The following ARHGAP19 variants were observed in gnomAD, a reference collection of about 807,000 sequenced individuals.
ARHGAP19 encodes the protein rho GTPase-activating protein 19.
A neutral mutation model predicts 60.9 loss-of-function variants in ARHGAP19; 48 were observed. The ratio of observed to expected loss-of-function variants is 0.79; its 90% CI spans 0.62 to 1.00. The LOEUF (loss-of-function observed/expected upper bound fraction) is 1.00, where lower values mean the gene tolerates loss of function less well. Ranked by LOEUF, ARHGAP19 falls within the 50% of genes least tolerant of loss-of-function variation. The pLI, the probability that ARHGAP19 is intolerant of heterozygous loss-of-function variation, is 0.00. For synonymous variants in ARHGAP19, 209 were observed against 215.5 expected, an observed-to-expected ratio of 0.97 and a Z score of 0.27; for missense variants, 562 against 597.2, an observed-to-expected ratio of 0.94 and a Z score of 0.61.
At chr10:97,232,426 G>A (rs1851042133) in intron 9 of ARHGAP19, among the ~76,000 whole-genome samples, 1 of 152,016 alleles carries the variant, frequency 6.6e-6, no homozygotes, top group Non-Finnish European at 1.5e-5. Context: ...GCCTCCCAAA[G>A]TACTGGGATT....
At chr10:97,290,535 C>T (rs546275368) in intron 1 of ARHGAP19, among the ~76,000 whole-genome samples, 1 of 152,162 alleles carries the variant, frequency 6.6e-6, no homozygotes, top group South Asian at 2.1e-4. Flanking sequence ...CTGAGAACCC[C>T]AGGTCAGAGA....
intron 1 of ARHGAP19, among the ~76,000 whole-genome samples, chr10:97,272,906 T>C (rs1842978035): frequency 6.6e-6 from 1 of 151,214 alleles, no homozygotes; most frequent in Non-Finnish European, 1.5e-5. Flanking sequence ...AGTGGGACGA[T>C]CTCGGCTGAC....
chr10:97,289,149 C>CT (rs1333644393), intron 1 of ARHGAP19, among the ~76,000 whole-genome samples: 1 of 148,022 alleles, frequency 6.8e-6, no homozygotes, highest in Non-Finnish European at 1.5e-5. Context: ...TAGTCTCGCT[C>CT]TGTCGCCCAG....
At chr10:97,231,059 C>CAAAAAAAAAAAAAAAAAAAAAAAAAAA (rs869291841) in intron 9 of ARHGAP19, among the ~76,000 whole-genome samples, 2 of 59,764 alleles carry the variant, frequency 3.3e-5, no homozygotes, top group Admixed American at 2.7e-4. Flanking sequence ...CTTGTCTCAC[C>CAAAAAAAAAAAAAAAAAAAAAAAAAAA]AAAAAAAAAA....
intron 8 of ARHGAP19, among the ~76,000 whole-genome samples, chr10:97,242,810 G>A (rs991539697): frequency 9.3e-5 from 14 of 150,966 alleles, no homozygotes; most frequent in African/African-American, 2.2e-4. Flanking sequence ...CACCATGCCC[G>A]GCCCTAATTT....
In ARHGAP19 at chr10:97,252,345, G is replaced by A. The variant is rs1010108465; in HGVS notation, c.927+3973C>T. On this transcript the variant is annotated intron_variant, in intron 6 of 11. Coordinates refer to ENST00000358531, the MANE Select transcript of ARHGAP19 (RefSeq NM_032900.6). ...GTCTCAAAAAAAAAAAAAATAGCCC[G>A]GGCGCGGTGGCTCACGCCTGTAATC... 4.0e-5 allele frequency among the ~76,000 whole-genome samples: 6 copies of A among 148,912 alleles called. No individual in the cohort carries two copies. In the South Asian group the frequency reaches 6.4e-4, roughly 16 times the overall value.
chr10:97,272,868 T>G (rs1362857758), intron 1 of ARHGAP19, among the ~76,000 whole-genome samples: 12 of 147,044 alleles, frequency 8.2e-5, no homozygotes, highest in Non-Finnish European at 1.6e-4. Context: ...TGAGATGGAG[T>G]CTCGCTCTGT....
At chr10:97,236,056 AC>A (rs1335292066) in intron 8 of ARHGAP19, among the ~76,000 whole-genome samples, 1 of 152,002 alleles carries the variant, frequency 6.6e-6, no homozygotes, top group Non-Finnish European at 1.5e-5. Flanking sequence ...GCTCACTGCA[AC>A]CTCCGCCTCC....
At chr10:97,267,745 G>C (rs1035048472) in intron 1 of ARHGAP19, among the ~76,000 whole-genome samples, 1 of 152,232 alleles carries the variant, frequency 6.6e-6, no homozygotes, top group African/African-American at 2.4e-5. Flanking sequence ...AATGGCCTGA[G>C]CTATACACTG....
intron 8 of ARHGAP19, among the ~76,000 whole-genome samples, chr10:97,235,723 T>C (rs1842363224): frequency 6.6e-6 from 1 of 152,206 alleles, no homozygotes; most frequent in Non-Finnish European, 1.5e-5. Flanking sequence ...TTTTTTAAGT[T>C]ACTAAAACTC....
At chr10:97,269,678 G>A (rs191758962) in intron 1 of ARHGAP19, among the ~76,000 whole-genome samples, 13 of 152,078 alleles carry the variant, frequency 8.5e-5, no homozygotes, top group Non-Finnish European at 1.5e-4. Context: ...CATAAAATGC[G>A]TAGCACCAAA....
At chr10:97,239,540 G>A (rs1842436584) in intron 8 of ARHGAP19, among the ~76,000 whole-genome samples, 1 of 129,784 alleles carries the variant, frequency 7.7e-6, no homozygotes, top group African/African-American at 3.0e-5. Context: ...GAGTGAGAGA[G>A]AGAGAGAGAG....
At chr10:97,232,457 G>T (rs113272590) in intron 9 of ARHGAP19, among the ~76,000 whole-genome samples, 1 of 151,960 alleles carries the variant, frequency 6.6e-6, no homozygotes, top group African/African-American at 2.4e-5. Flanking sequence ...GCCACTGTGC[G>T]CGGCCTCTGC....
At chr10:97,252,846 T>A (rs1258652208) in intron 6 of ARHGAP19, among the ~76,000 whole-genome samples, 1 of 152,128 alleles carries the variant, frequency 6.6e-6, no homozygotes, top group Non-Finnish European at 1.5e-5. Flanking sequence ...AAGGAATATC[T>A]GCATCCCCAT....
intron 1 of ARHGAP19, among the ~76,000 whole-genome samples, chr10:97,268,207 CT>C (rs1156568103): frequency 6.6e-6 from 1 of 152,158 alleles, no homozygotes; most frequent in African/African-American, 2.4e-5. Context: ...CAAGGGTGAC[CT>C]TTATATAAGT....
At chr10:97,241,588 A>G (rs1041036423) in intron 8 of ARHGAP19, among the ~76,000 whole-genome samples, 1 of 151,474 alleles carries the variant, frequency 6.6e-6, no homozygotes, top group Admixed American at 6.6e-5. Flanking sequence ...TGACACATGC[A>G]TGTAGTCCTA....
chr10:97,241,919 A>G (rs1006195208), intron 8 of ARHGAP19, among the ~76,000 whole-genome samples: 5 of 151,558 alleles, frequency 3.3e-5, no homozygotes, highest in Non-Finnish European at 7.4e-5. Context: ...CTGAGGCAGG[A>G]GAATGGCGTG....
chr10:97,280,358 G>A (rs1843067767), intron 1 of ARHGAP19, among the ~76,000 whole-genome samples: 1 of 150,988 alleles, frequency 6.6e-6, no homozygotes. Flanking sequence ...GCAGTGAGCC[G>A]AGATCACACC....
chr10:97,225,954 T>C lies in ARHGAP19; in HGVS notation c.*168A>G, dbSNP rs935007140. The C allele has an allele frequency of 6.0e-5, 39 of 648,362 alleles. No homozygotes were observed. The highest frequency in any genetic ancestry group is 4.7e-4 in the South Asian group (24 of 51,010). 40.2% of individuals were successfully genotyped at this position (648,362 alleles called of 1,614,324 possible). ...CAGAAGGCACAGCTTGCAAACATCA[T>C]CCAGTGAGTGGGGTTAGAGGTATCA... On this transcript the variant is annotated 3_prime_UTR_variant, in exon 12 of 12. Transcript: ENST00000358531.
Sources: allele counts gnomAD v4.1 joint callset (sites outside exome capture counted in the v4.1 genomes callset), GRCh38; gene constraint gnomAD v4.1.1; transcripts MANE v1.5; gene names NCBI Gene and HGNC (gene_info 2026-07-23, HGNC 2026-07-21).